Variants in SNX24 observed in about 807,000 individuals in gnomAD.
SNX24 encodes the protein sorting nexin 24, also known as sorting nexin-24.
In SNX24, 22 loss-of-function variants were observed where a neutral mutation model predicts 28.7. The ratio of observed to expected loss-of-function variants is 0.77; its 90% CI spans 0.55 to 1.10. The LOEUF is 1.10. SNX24 is among the 50% of genes least tolerant of loss of function. SNX24 has a pLI of 0.00. For missense variants in SNX24, 221 were observed against 201.1 expected, an observed-to-expected ratio of 1.10 and a Z score of -0.60; for synonymous variants, 69 against 71.5, an observed-to-expected ratio of 0.96 and a Z score of 0.18.
chr5:122,993,084 G>T (rs1761921338), intron 3 of SNX24, among the ~76,000 whole-genome samples: 1 of 150,864 alleles, frequency 6.6e-6, no homozygotes, highest in African/African-American at 2.4e-5. Flanking sequence ...CAGATTTCTT[G>T]CAAGATACTC....
intron 5 of SNX24, among the ~76,000 whole-genome samples, chr5:123,024,914 C>T (rs1208954367): frequency 6.6e-6 from 1 of 152,122 alleles, no homozygotes; most frequent in East Asian, 1.9e-4. Flanking sequence ...ACTTCAGGCA[C>T]CTGTAAGGCA....
intron 1 of SNX24, among the ~76,000 whole-genome samples, chr5:122,920,972 T>G (rs1261643087): frequency 6.6e-6 from 1 of 152,146 alleles, no homozygotes; most frequent in Admixed American, 6.6e-5. Context: ...GTGATTTTCC[T>G]GCCTCAGCCT....
rs79998079 is a variant in SNX24 at position 122,987,076 on chromosome 5, T to C, written c.250-12836T>C. Among the ~76,000 whole-genome samples, 538 of 151,522 alleles carry C rather than the reference T, an allele frequency of 3.6e-3. 4 individuals are homozygous for C. Among genetic ancestry groups the C allele is most frequent in the African/African-American group, 0.011 (462 of 41,268 alleles). On this transcript the variant is annotated intron_variant, in intron 3 of 6. Transcript: ENST00000261369. ...CGATGGAAGTGCAGTATAGGTAGAG[T>C]TGTTGGGATAAAGATGAGGAGGATC...
chr5:123,028,102 T>TC (rs1470142284), intron 5 of SNX24, among the ~76,000 whole-genome samples: 1 of 152,204 alleles, frequency 6.6e-6, no homozygotes, highest in African/African-American at 2.4e-5. Flanking sequence ...TAAGCTTGGG[T>TC]CCTGACGAAA....
At chr5:122,949,040 G>A (rs1281968129) in intron 3 of SNX24, among the ~76,000 whole-genome samples, 2 of 152,138 alleles carry the variant, frequency 1.3e-5, no homozygotes, top group East Asian at 1.9e-4. Flanking sequence ...TTTCTGTGCT[G>A]TATTTAAGTA....
intron 1 of SNX24, among the ~76,000 whole-genome samples, chr5:122,901,927 C>T (rs910245114): frequency 1.3e-5 from 2 of 152,182 alleles, no homozygotes; most frequent in East Asian, 1.9e-4. Flanking sequence ...GCATTATATC[C>T]GTTCCATCTT....
chr5:122,971,335 T>C (rs2150147710), intron 3 of SNX24, among the ~76,000 whole-genome samples: 1 of 152,204 alleles, frequency 6.6e-6, no homozygotes, highest in South Asian at 2.1e-4. Flanking sequence ...TGGGTCTGCC[T>C]CTCCCAGTCC....
chr5:122,873,661 A>G (rs1441465883), intron 1 of SNX24, among the ~76,000 whole-genome samples: 1 of 151,372 alleles, frequency 6.6e-6, no homozygotes, highest in Non-Finnish European at 1.5e-5. Flanking sequence ...GAAGGCCTGA[A>G]TTTTACCAGG....
At chr5:122,901,187 G>A (rs1757432175) in intron 1 of SNX24, among the ~76,000 whole-genome samples, 1 of 143,634 alleles carries the variant, frequency 7.0e-6, no homozygotes, top group Non-Finnish European at 1.5e-5. Context: ...GGTGACAAGA[G>A]CAAAACTCCA....
intron 1 of SNX24, among the ~76,000 whole-genome samples, chr5:122,916,840 G>T (rs1035238773): frequency 6.6e-6 from 1 of 152,112 alleles, no homozygotes; most frequent in Non-Finnish European, 1.5e-5. Context: ...GGCTCTTTAT[G>T]CTTGCATGGC....
chr5:122,882,214 A>G (rs560065493), intron 1 of SNX24, among the ~76,000 whole-genome samples: 9 of 152,200 alleles, frequency 5.9e-5, no homozygotes, highest in African/African-American at 2.2e-4. Flanking sequence ...GCCTCCCAAA[A>G]TGCTGGTATT....
At chr5:122,973,482 C>T (rs571478670) in intron 3 of SNX24, among the ~76,000 whole-genome samples, 7 of 152,202 alleles carry the variant, frequency 4.6e-5, no homozygotes, top group Non-Finnish European at 8.8e-5. Flanking sequence ...ATCTCTTCCA[C>T]TGATCATAGG....
chr5:123,021,316 AT>A (rs1762759848), intron 5 of SNX24, among the ~76,000 whole-genome samples: 3 of 152,156 alleles, frequency 2.0e-5, no homozygotes, highest in African/African-American at 4.8e-5. Flanking sequence ...AATATTGATA[AT>A]ATTTATCAAG....
At chr5:122,852,186 T>TC (rs967602777) in intron 1 of SNX24, among the ~76,000 whole-genome samples, 1 of 151,758 alleles carries the variant, frequency 6.6e-6, no homozygotes, top group Admixed American at 6.6e-5. Flanking sequence ...TTATTTTACT[T>TC]CAAGTTCCGG....
At chr5:122,931,552 G>C (rs1207034311) in intron 1 of SNX24, among the ~76,000 whole-genome samples, 2 of 151,976 alleles carry the variant, frequency 1.3e-5, no homozygotes, top group Admixed American at 6.6e-5. Context: ...TTGATTTCAA[G>C]CCTGGCTTTA....
At chr5:122,899,583 A>AT (rs2150077930) in intron 1 of SNX24, among the ~76,000 whole-genome samples, 1 of 151,910 alleles carries the variant, frequency 6.6e-6, no homozygotes, top group East Asian at 1.9e-4. Flanking sequence ...TGATTTTTGT[A>AT]TTTTTTGTAG....
intron 1 of SNX24, among the ~76,000 whole-genome samples, chr5:122,924,638 G>A (rs1758598200): frequency 6.6e-6 from 1 of 152,176 alleles, no homozygotes; most frequent in Non-Finnish European, 1.5e-5. Flanking sequence ...ATATTCAGGA[G>A]GATAACAGAA....
intron 3 of SNX24, among the ~76,000 whole-genome samples, chr5:122,975,001 C>T (rs1444071132): frequency 6.6e-6 from 1 of 152,164 alleles, no homozygotes; most frequent in Non-Finnish European, 1.5e-5. Context: ...AATTACCTGA[C>T]CTCCGTAAGC....
At chr5:122,987,749 C>T (rs570591626) in intron 3 of SNX24, among the ~76,000 whole-genome samples, 130 of 151,996 alleles carry the variant, frequency 8.6e-4, no homozygotes, top group Non-Finnish European at 1.5e-3. Flanking sequence ...GGAAGTCTCG[C>T]CAATAGTAGC....
Sources: gnomAD v4.1 joint callset for allele counts (sites outside exome capture counted in the v4.1 genomes callset) on GRCh38, gnomAD v4.1.1 for gene constraint, MANE v1.5 for transcripts, NCBI Gene and HGNC (gene_info 2026-07-23, HGNC 2026-07-21) for gene names.